The following KITLG variants were observed in gnomAD, a reference collection of about 807,000 sequenced individuals.
KITLG encodes c-Kit ligand.
In KITLG, 13 loss-of-function variants were observed where a neutral mutation model predicts 34.1. The observed-to-expected ratio is 0.38, with a 90% CI of 0.25 to 0.61. The LOEUF is 0.61. KITLG is among the 20% of genes least tolerant of loss of function. The probability of loss-of-function intolerance (pLI) is 0.60; values close to 1 mark genes in which losing one functional copy is unlikely to be tolerated. For synonymous variants in KITLG, 110 were observed against 104.0 expected (o/e 1.06, Z -0.35); for missense variants, 292 against 318.9 (o/e 0.92, Z 0.64).
At chr12:88,539,183 G>A (rs915726074) in intron 2 of KITLG, among the ~76,000 whole-genome samples, 2 of 152,036 alleles carry the variant, frequency 1.3e-5, no homozygotes, top group South Asian at 2.1e-4. Context: ...GGGTCACTGA[G>A]GTCCCTAAAT....
At chr12:88,520,851 T>A (rs2120848355) in intron 3 of KITLG, among the ~76,000 whole-genome samples, 1 of 152,258 alleles carries the variant, frequency 6.6e-6, no homozygotes, top group South Asian at 2.1e-4. Context: ...CCTCCTCCCA[T>A]TTTCACATAA....
At chr12:88,580,098 C>A in intron 1 of KITLG, 166 bp downstream of exon 1, 1 of 732,130 alleles carries the variant, frequency 1.4e-6, no homozygotes. Flanking sequence ...CCCGGCTCGG[C>A]TCGGGATCAC....
At chr12:88,554,620 A>C in intron 1 of KITLG, among the ~76,000 whole-genome samples, 1 of 152,228 alleles carries the variant, frequency 6.6e-6, no homozygotes, top group African/African-American at 2.4e-5. Context: ...ATTGGTCCTG[A>C]GTTCAGGTCT....
At chr12:88,565,969 T>A (rs1260198650) in intron 1 of KITLG, among the ~76,000 whole-genome samples, 1 of 152,252 alleles carries the variant, frequency 6.6e-6, no homozygotes, top group Non-Finnish European at 1.5e-5. Flanking sequence ...GGTTCTTAAG[T>A]CTTCATATAT....
At chr12:88,560,986 A>G (rs1475525781) in intron 1 of KITLG, among the ~76,000 whole-genome samples, 2 of 150,652 alleles carry the variant, frequency 1.3e-5, no homozygotes, top group East Asian at 1.9e-4. Context: ...AAAAAAAAAA[A>G]AAAAAAAGAA....
At chr12:88,512,779 ACTTCAATATCTAGT>A (rs1311129089) in intron 6 of KITLG, among the ~76,000 whole-genome samples, 1 of 151,910 alleles carries the variant, frequency 6.6e-6, no homozygotes, top group African/African-American at 2.4e-5. Context: ...GTGTACCCAG[ACTTCAATATCTAGT>A]AAAAAGTACC....
chr12:88,528,663 A>C (rs904979894), intron 3 of KITLG, among the ~76,000 whole-genome samples: 1 of 152,232 alleles, frequency 6.6e-6, no homozygotes, highest in African/African-American at 2.4e-5. Flanking sequence ...GTAAATGGCC[A>C]TGTATGCATC....
At chr12:88,543,455 G>A (rs1006157086) in intron 2 of KITLG, among the ~76,000 whole-genome samples, 1 of 151,958 alleles carries the variant, frequency 6.6e-6, no homozygotes, top group African/African-American at 2.4e-5. Flanking sequence ...CTTTTTTTAT[G>A]GCTGCATAGT....
intron 8 of KITLG, 106 bp from the exon 9 acceptor site, chr12:88,505,341 A>AT: frequency 1.2e-6 from 1 of 818,002 alleles, no homozygotes; most frequent in Non-Finnish European, 2.1e-6. Context: ...ATATAGTAGC[A>AT]GAAGATTGCA....
At chr12:88,568,009 AT>A (rs1871502951) in intron 1 of KITLG, among the ~76,000 whole-genome samples, 1 of 152,182 alleles carries the variant, frequency 6.6e-6, no homozygotes, top group Admixed American at 6.5e-5. Flanking sequence ...TACTTGGAAA[AT>A]TTATATTTTT....
At position 88,493,623 on chromosome 12, in the gene KITLG, A is replaced by C. The variant is rs1354208114; in HGVS notation, c.*3596T>G. The C allele has an allele frequency of 6.6e-6, 1 of 151,954 alleles. No individual in the cohort carries two copies. The highest frequency in any genetic ancestry group is 1.5e-5 in the Non-Finnish European group (1 of 67,878). The allele number at this position is 151,954 out of a possible 1,614,324, so 9.4% of individuals were successfully genotyped here. A position where few individuals can be genotyped will look rare whatever the true frequency, so the allele number is the denominator to read the frequency against. On this transcript the variant is annotated 3_prime_UTR_variant, in exon 10 of 10. Coordinates refer to ENST00000644744, the MANE Select transcript of KITLG (RefSeq NM_000899.5). ...AATTTTAAAGTGTAATTAATGAATT[A>C]CCCCTTTATAAATTGATTCTAAAAT... is the stretch of plus-strand genomic sequence containing the variant.
intron 1 of KITLG, among the ~76,000 whole-genome samples, chr12:88,551,668 A>G (rs914387687): frequency 6.6e-6 from 1 of 152,196 alleles, no homozygotes; most frequent in Non-Finnish European, 1.5e-5. Flanking sequence ...TACTGCTAAC[A>G]TGCCTATTTC....
chr12:88,508,917 C>T (rs747705210), intron 6 of KITLG, among the ~76,000 whole-genome samples: 115 of 152,122 alleles, frequency 7.6e-4, no homozygotes, highest in Non-Finnish European at 2.5e-4. Context: ...TAAAAGTGCT[C>T]TCTATATGAA....
At chr12:88,568,391 C>T (rs918185728) in intron 1 of KITLG, among the ~76,000 whole-genome samples, 1 of 151,872 alleles carries the variant, frequency 6.6e-6, no homozygotes, top group Non-Finnish European at 1.5e-5. Context: ...AACTCCTGGG[C>T]TCAAGCAATC....
At chr12:88,554,611 T>C (rs943382681) in intron 1 of KITLG, among the ~76,000 whole-genome samples, 5 of 152,224 alleles carry the variant, frequency 3.3e-5, no homozygotes, top group African/African-American at 7.2e-5. Flanking sequence ...GGTATGGTAA[T>C]TGGTCCTGAG....
At chr12:88,550,809 G>A (rs1350208074) in intron 1 of KITLG, among the ~76,000 whole-genome samples, 1 of 152,188 alleles carries the variant, frequency 6.6e-6, no homozygotes, top group Non-Finnish European at 1.5e-5. Flanking sequence ...TCAAGCATAT[G>A]GAGACAAGTC....
intron 1 of KITLG, among the ~76,000 whole-genome samples, chr12:88,553,405 C>T (rs1243339886): frequency 6.6e-6 from 1 of 152,138 alleles, no homozygotes; most frequent in East Asian, 1.9e-4. Context: ...GACTTCTGCT[C>T]TAAAATGTAT....
intron 1 of KITLG, among the ~76,000 whole-genome samples, chr12:88,559,130 G>A (rs189243052): frequency 3.3e-5 from 5 of 152,314 alleles, no homozygotes; most frequent in Admixed American, 3.3e-4. Context: ...ACTGTTGATT[G>A]TCTCTTTCAA....
At chr12:88,531,284 A>G (rs949485166) in intron 3 of KITLG, among the ~76,000 whole-genome samples, 2 of 152,214 alleles carry the variant, frequency 1.3e-5, no homozygotes, top group African/African-American at 4.8e-5. Flanking sequence ...CTGAAAGCAC[A>G]CATTGGAATG....
Sources: gnomAD v4.1 joint callset for allele counts (sites outside exome capture counted in the v4.1 genomes callset) on GRCh38, gnomAD v4.1.1 for gene constraint, MANE v1.5 for transcripts, NCBI Gene and HGNC (gene_info 2026-07-23, HGNC 2026-07-21) for gene names.